PRKG1: variants seen among roughly 807,000 people sequenced by gnomAD.
PRKG1 encodes protein kinase cGMP-dependent 1.
A neutral mutation model predicts 88.1 loss-of-function variants in PRKG1; 35 were observed. That is an observed-to-expected ratio of 0.40 (90% CI 0.30 to 0.53). The LOEUF (loss-of-function observed/expected upper bound fraction) is 0.53. Among genes scored for constraint, PRKG1 ranks in the 20% least tolerant of loss-of-function variants. PRKG1 has a pLI of 0.59. For synonymous variants in PRKG1, 303 were observed against 292.5 expected (o/e 1.04, Z -0.37); for missense variants, 540 against 839.8 (o/e 0.64, Z 4.41).
At chr10:51,301,355 G>T (rs1189533247) in intron 2 of PRKG1, among the ~76,000 whole-genome samples, 1 of 151,252 alleles carries the variant, frequency 6.6e-6, no homozygotes, top group African/African-American at 2.5e-5. Flanking sequence ...AATGTTTGGG[G>T]AATGAGAGGG....
chr10:51,815,230 C>T (rs555170085), intron 4 of PRKG1, among the ~76,000 whole-genome samples: 1 of 152,154 alleles, frequency 6.6e-6, no homozygotes, highest in Non-Finnish European at 1.5e-5. Context: ...ATAAATCTTT[C>T]CTGTAGTAAG....
intron 2 of PRKG1, among the ~76,000 whole-genome samples, chr10:51,186,762 G>A (rs1837497826): frequency 6.6e-6 from 1 of 151,628 alleles, no homozygotes; most frequent in Non-Finnish European, 1.5e-5. Context: ...GCATTTTAGA[G>A]CGTGCCCCTC....
chr10:51,524,169 G>C (rs1841813864), intron 3 of PRKG1, among the ~76,000 whole-genome samples: 1 of 152,160 alleles, frequency 6.6e-6, no homozygotes, highest in Admixed American at 6.5e-5. Context: ...CCCCTCAGAA[G>C]CTGAGGCTGT....
At chr10:52,228,066 A>C (rs927939687) in intron 9 of PRKG1, among the ~76,000 whole-genome samples, 2 of 152,124 alleles carry the variant, frequency 1.3e-5, no homozygotes, top group African/African-American at 4.8e-5. Context: ...ATTTCTCACG[A>C]TTTGGAATTT....
chr10:52,107,983 C>T (rs1847465106), intron 7 of PRKG1, among the ~76,000 whole-genome samples: 1 of 152,132 alleles, frequency 6.6e-6, no homozygotes, highest in Admixed American at 6.5e-5. Context: ...TGTTTGATTT[C>T]TAGTGGTTAT....
chr10:52,227,112 GCAAGA>G (rs959231230), intron 9 of PRKG1, among the ~76,000 whole-genome samples: 1 of 152,104 alleles, frequency 6.6e-6, no homozygotes, highest in African/African-American at 2.4e-5. Flanking sequence ...CATAATCAAA[GCAAGA>G]CAGTATATGA....
At chr10:52,164,703 T>C (rs899805464) in intron 9 of PRKG1, among the ~76,000 whole-genome samples, 5 of 152,194 alleles carry the variant, frequency 3.3e-5, no homozygotes, top group Admixed American at 6.5e-5. Context: ...TTTGAAACCA[T>C]TGATTTGATA....
At chr10:51,293,599 C>T (rs13376727) in intron 2 of PRKG1, among the ~76,000 whole-genome samples, 3,843 of 152,050 alleles carry the variant, frequency 0.025, 140 homozygotes, top group African/African-American at 0.086. Context: ...GTACCTATAC[C>T]GCATTTTCTT....
chr10:51,521,104 T>C (rs765323677), intron 3 of PRKG1, among the ~76,000 whole-genome samples: 6 of 152,150 alleles, frequency 3.9e-5, no homozygotes, highest in Non-Finnish European at 5.9e-5. Flanking sequence ...CTGGCCAACA[T>C]GGGGAAACCC....
chr10:52,249,221 C>G (rs1358534336), intron 9 of PRKG1, among the ~76,000 whole-genome samples: 1 of 151,152 alleles, frequency 6.6e-6, no homozygotes, highest in African/African-American at 2.4e-5. Flanking sequence ...AAAAAGCCCC[C>G]AACCTTCTTG....
intron 9 of PRKG1, among the ~76,000 whole-genome samples, chr10:52,233,806 C>G (rs1221324420): frequency 6.6e-6 from 1 of 152,030 alleles, no homozygotes; most frequent in South Asian, 2.1e-4. Flanking sequence ...CTGGGTGGAG[C>G]CCACCACAGC....
At chr10:51,196,521 G>T (rs895724791) in intron 2 of PRKG1, among the ~76,000 whole-genome samples, 1 of 152,080 alleles carries the variant, frequency 6.6e-6, no homozygotes, top group Non-Finnish European at 1.5e-5. Flanking sequence ...AATAAAAATT[G>T]TACCAACTTT....
chr10:51,324,571 C>CAAAAAAAA (rs34429733), intron 2 of PRKG1, among the ~76,000 whole-genome samples: 171 of 84,338 alleles, frequency 2.0e-3, no homozygotes, highest in African/African-American at 2.2e-3. Context: ...ACTAAAAATA[C>CAAAAAAAA]AAAAAAAAAA....
chr10:52,081,244 G>A (rs143479144), intron 7 of PRKG1, among the ~76,000 whole-genome samples: 368 of 152,262 alleles, frequency 2.4e-3, no homozygotes, highest in African/African-American at 8.3e-3. Context: ...GCAAAGACAC[G>A]CATGTCTGGA....
chr10:51,823,252 T>C lies in PRKG1; in HGVS notation c.698+18562T>C, dbSNP rs899506615. Among the ~76,000 whole-genome samples the C allele has an allele frequency of 2.0e-5, 3 of 152,170 alleles. No homozygotes were observed. In the East Asian group the frequency reaches 5.8e-4, roughly 29 times the overall value. On this transcript the variant is annotated intron_variant, in intron 4 of 17. Transcript: ENST00000373980. ...AGATAAAATGAGGGCAGATAAACAA[T>C]ATGCTAGACTTTAATAAAAAGTCTA...
chr10:51,607,311 C>T (rs957153958), intron 3 of PRKG1, among the ~76,000 whole-genome samples: 1 of 152,192 alleles, frequency 6.6e-6, no homozygotes, highest in African/African-American at 2.4e-5. Flanking sequence ...GCTGGCAAAC[C>T]TTTTCTGTAA....
rs535482267 is a variant in PRKG1, at chr10:51,496,150, G to A, written c.592+28314G>A. 1.8e-3 allele frequency among the ~76,000 whole-genome samples: 275 copies of A among 152,228 alleles called. 2 individuals are homozygous for A. Among genetic ancestry groups the A allele is most frequent in the African/African-American group, 6.5e-3 (271 of 41,544 alleles). ...GTACAAAATTCAAGAATGAAGTGAT[G>A]TTCTGCTCTTAGGATTGGTAATGCC... On this transcript the variant is annotated intron_variant, in intron 3 of 17. Transcript: ENST00000373980.
chr10:51,950,472 C>T (rs7917469), intron 5 of PRKG1, among the ~76,000 whole-genome samples: 12,732 of 152,296 alleles, frequency 0.084, 1,462 homozygotes, highest in African/African-American at 0.26. Context: ...TTGCCAGACT[C>T]GCAGCAGGGG....
At chr10:52,244,334 A>G (rs1840947826) in intron 9 of PRKG1, among the ~76,000 whole-genome samples, 1 of 152,088 alleles carries the variant, frequency 6.6e-6, no homozygotes, top group East Asian at 1.9e-4. Context: ...CAATGAAGTC[A>G]AAAGATTCTG....
Sources: allele counts gnomAD v4.1 joint callset (sites outside exome capture counted in the v4.1 genomes callset), GRCh38; gene constraint gnomAD v4.1.1; transcripts MANE v1.5; gene names NCBI Gene and HGNC (gene_info 2026-07-23, HGNC 2026-07-21).